The following EIF4E3 variants were observed in gnomAD, a reference collection of about 807,000 sequenced individuals.
The protein encoded by EIF4E3 is eukaryotic translation initiation factor 4E family member 3.
Under a neutral mutation model 31.7 loss-of-function variants are expected in EIF4E3, and 26 were observed. That is an observed-to-expected ratio of 0.82 (90% confidence interval 0.60 to 1.14). The LOEUF is 1.14. Among genes scored for constraint, EIF4E3 ranks in the 50% most tolerant of loss-of-function variants. The pLI is 0.00. For synonymous variants in EIF4E3, 128 were observed against 107.7 expected, an observed-to-expected ratio of 1.19 and a Z score of -1.17; for missense variants, 304 against 270.9, an observed-to-expected ratio of 1.12 and a Z score of -0.86.
intron 5 of EIF4E3, among the ~76,000 whole-genome samples, chr3:71,691,734 T>C (rs1051286651): frequency 6.6e-6 from 1 of 152,212 alleles, no homozygotes; most frequent in Admixed American, 6.5e-5. Flanking sequence ...AAAAACATAG[T>C]ACCTTGTCAT....
chr3:71,687,384 G>A (rs970930822), intron 6 of EIF4E3, among the ~76,000 whole-genome samples: 5 of 152,172 alleles, frequency 3.3e-5, no homozygotes, highest in African/African-American at 1.2e-4. Flanking sequence ...GCTCTATGCT[G>A]ATAAAACTTT....
At chr3:71,749,387 G>C (rs1037459576) in intron 1 of EIF4E3, among the ~76,000 whole-genome samples, 1 of 152,234 alleles carries the variant, frequency 6.6e-6, no homozygotes, top group Admixed American at 6.5e-5. Context: ...GTCAACTTGA[G>C]TGCTGCCCTT....
chr3:71,673,920 T>A (rs2048858996), downstream of EIF4E3, among the ~76,000 whole-genome samples: 1 of 142,580 alleles, frequency 7.0e-6, no homozygotes, highest in Non-Finnish European at 1.5e-5. Context: ...TATATATATA[T>A]ATATATATAT....
At chr3:71,716,533 C>T (rs894724544) in intron 1 of EIF4E3, among the ~76,000 whole-genome samples, 2 of 152,194 alleles carry the variant, frequency 1.3e-5, no homozygotes, top group African/African-American at 4.8e-5. Context: ...GTGCCCGGCC[C>T]ATTTTATCCT....
chr3:71,701,864 C>T (rs1218892707), intron 2 of EIF4E3, among the ~76,000 whole-genome samples: 1 of 152,174 alleles, frequency 6.6e-6, no homozygotes, highest in Admixed American at 6.5e-5. Flanking sequence ...TAAAATGGTG[C>T]TAGTGTAGTG....
At chr3:71,659,842 A>G in the EIF4E3 span, among the ~76,000 whole-genome samples, 1 of 152,214 alleles carries the variant, frequency 6.6e-6, no homozygotes, top group African/African-American at 2.4e-5. Flanking sequence ...AGAACAGAAC[A>G]TAAGGCAGTT....
chr3:71,689,880 TTTG>T (rs2108019769), intron 6 of EIF4E3, 127 bp downstream of exon 6: 1 of 920,734 alleles, frequency 1.1e-6, no homozygotes, highest in South Asian at 4.1e-5. Context: ...TTAAATGTAT[TTTG>T]TTGAATTATT....
upstream of EIF4E3, among the ~76,000 whole-genome samples, chr3:71,726,657 A>G (rs1484344590): frequency 4.6e-5 from 7 of 152,240 alleles, no homozygotes; most frequent in Non-Finnish European, 1.0e-4. Flanking sequence ...CAGGGGCATC[A>G]ACAGCATCAT....
At chr3:71,725,460 G>GCT, upstream of EIF4E3, 3 of 696,710 alleles carry the variant, frequency 4.3e-6, no homozygotes, top group Non-Finnish European at 5.2e-6. This position sits in a 1 kb window ranked among gnomAD's most constrained non-coding sequence, Gnocchi z 6.1. Flanking sequence ...CCCGCCCCGC[G>GCT]CGCCCCGCCC....
At chr3:71,726,265 C>T (rs1230708227), upstream of EIF4E3, among the ~76,000 whole-genome samples, 1 of 152,162 alleles carries the variant, frequency 6.6e-6, no homozygotes, top group African/African-American at 2.4e-5. Flanking sequence ...CCTAAAGCAC[C>T]GGCGAGTCGG....
At chr3:71,697,711 C>T (rs903652775) in intron 3 of EIF4E3, among the ~76,000 whole-genome samples, 2 of 152,076 alleles carry the variant, frequency 1.3e-5, no homozygotes, top group Admixed American at 6.6e-5. Context: ...TAATGTTCTC[C>T]AATTCCATCC....
intron 1 of EIF4E3, among the ~76,000 whole-genome samples, chr3:71,718,557 G>C (rs149364505): frequency 1.3e-5 from 2 of 152,278 alleles, no homozygotes; most frequent in Non-Finnish European, 2.9e-5. Context: ...AAGAGTTTAC[G>C]ACAAAATTAA....
chr3:71,696,552 T>G (rs2049139856), intron 3 of EIF4E3, 32 bp from the exon 4 acceptor site: 2 of 1,612,736 alleles, frequency 1.2e-6, no homozygotes, highest in South Asian at 2.2e-5. Flanking sequence ...AAAGTTACAC[T>G]CAGGACTAAG....
intron 6 of EIF4E3, among the ~76,000 whole-genome samples, chr3:71,688,478 A>G (rs2049020937): frequency 6.6e-6 from 1 of 152,226 alleles, no homozygotes; most frequent in Non-Finnish European, 1.5e-5. Flanking sequence ...GTAAAGGATG[A>G]GAAGTTGTGA....
At position 71,690,143 on chromosome 3, in the gene EIF4E3, A is replaced by G. The variant is rs1382990894; in HGVS notation, c.495T>C (p.Ser165=). The change falls in exon 6 of 7, where the codon AGT becomes AGC. Residue 165 remains serine, a synonymous_variant. Coordinates refer to ENST00000425534, the MANE Select transcript of EIF4E3 (RefSeq NM_001134651.2). ...AAADDEVIGV[S]VSVRDREDVV... is the part of the protein sequence containing the mutation. The stretch of plus-strand genomic sequence containing the variant: ...CGTCTTCTCGGTCCCGAACACTGAC[A>G]CTAACTCCTATTACTTCATCATCTG... 4 of 1,612,684 alleles carry G rather than the reference A, an allele frequency of 2.5e-6. No homozygotes were observed. The highest frequency in any genetic ancestry group is 3.4e-6 in the Non-Finnish European group (4 of 1,179,404).
At chr3:71,754,360 T>C, upstream of EIF4E3, 1 of 1,316,176 alleles carries the variant, frequency 7.6e-7, no homozygotes, top group South Asian at 1.9e-5. The surrounding 1 kb of genome is among the most constrained non-coding windows in gnomAD (Gnocchi z 5.8). Context: ...CTGGCCGCGC[T>C]CTTCTGCTTC....
intron 1 of EIF4E3, among the ~76,000 whole-genome samples, chr3:71,712,702 C>T (rs1296506672): frequency 5.9e-5 from 9 of 151,372 alleles, no homozygotes; most frequent in Admixed American, 5.9e-4. Flanking sequence ...ATTCAAAAAA[C>T]TGTATTTCAA....
intron 1 of EIF4E3, among the ~76,000 whole-genome samples, chr3:71,751,129 A>T (rs1228652513): frequency 6.6e-6 from 1 of 152,030 alleles, no homozygotes; most frequent in Non-Finnish European, 1.5e-5. Flanking sequence ...GCTACTCAGG[A>T]GGCTGAGATA....
intron 2 of EIF4E3, among the ~76,000 whole-genome samples, chr3:71,704,726 A>G (rs2049266128): frequency 1.3e-5 from 2 of 152,346 alleles, no homozygotes; most frequent in South Asian, 4.1e-4. Context: ...ATGCCTGTTC[A>G]TATGGAGAAG....
Sources: allele counts gnomAD v4.1 joint callset (sites outside exome capture counted in the v4.1 genomes callset), GRCh38; gene constraint gnomAD v4.1.1; non-coding constraint Gnocchi (gnomAD v3.1); transcripts MANE v1.5; gene names NCBI Gene and HGNC (gene_info 2026-07-23, HGNC 2026-07-21).